The following GSG1L variants were observed in gnomAD, a reference collection of about 807,000 sequenced individuals.
The protein encoded by GSG1L is germ cell-specific gene 1-like protein.
GSG1L carries 24 observed loss-of-function variants against 42.1 expected under a neutral mutation model. The ratio of observed to expected loss-of-function variants is 0.57; its 90% CI spans 0.41 to 0.80. The LOEUF is 0.80. Ranked by LOEUF, GSG1L falls within the 30% of genes least tolerant of loss-of-function variation. The pLI, the probability that GSG1L is intolerant of heterozygous loss-of-function variation, is 0.00. For synonymous variants in GSG1L, 215 were observed against 203.5 expected, an observed-to-expected ratio of 1.06 and a Z score of -0.48; for missense variants, 445 against 472.2, an observed-to-expected ratio of 0.94 and a Z score of 0.53.
At chr16:27,806,694 G>T (rs886144331) in intron 6 of GSG1L, among the ~76,000 whole-genome samples, 7 of 152,234 alleles carry the variant, frequency 4.6e-5, no homozygotes, top group African/African-American at 1.7e-4. Flanking sequence ...TGCCACTGGA[G>T]CTTCCTAAAG....
rs76863199 is a variant in GSG1L, at chr16:27,843,381, G to A, written c.662+1569C>T. The stretch of plus-strand genomic sequence containing the variant: ...GGTCACATACTTAAGCTAAGCCAAT[G>A]AAAGTCATAACCAGGATTTTAGCTG... On this transcript the variant is annotated intron_variant, in intron 4 of 6. Transcript: ENST00000447459. Among the ~76,000 whole-genome samples, 198 of 152,026 alleles carry A rather than the reference G, an allele frequency of 1.3e-3. 3 individuals are homozygous for A. In the East Asian group the frequency reaches 0.033, roughly 26 times the overall value.
chr16:28,004,648 C>T (rs1018670933), intron 1 of GSG1L, among the ~76,000 whole-genome samples: 4 of 151,980 alleles, frequency 2.6e-5, no homozygotes, highest in Non-Finnish European at 5.9e-5. Context: ...CAAAGTGGTG[C>T]GTGCCTGTAA....
chr16:28,035,898 A>T (rs1029130285), intron 1 of GSG1L, among the ~76,000 whole-genome samples: 1 of 152,162 alleles, frequency 6.6e-6, no homozygotes, highest in Admixed American at 6.5e-5. Flanking sequence ...CCTCAGGAAA[A>T]CATCATTAAT....
At chr16:28,046,939 G>A (rs967259453) in intron 1 of GSG1L, among the ~76,000 whole-genome samples, 33 of 152,130 alleles carry the variant, frequency 2.2e-4, no homozygotes, top group African/African-American at 8.0e-4. Context: ...TCATGCACAC[G>A]CATGCACACA....
chr16:28,012,159 G>A (rs1455817802), intron 1 of GSG1L, among the ~76,000 whole-genome samples: 7 of 152,118 alleles, frequency 4.6e-5, no homozygotes, highest in Non-Finnish European at 1.0e-4. Context: ...ATGCCCCACG[G>A]TTTCTGAGCC....
At chr16:28,001,949 C>T (rs554925009) in intron 1 of GSG1L, among the ~76,000 whole-genome samples, 9 of 152,294 alleles carry the variant, frequency 5.9e-5, no homozygotes, top group Admixed American at 2.0e-4. Flanking sequence ...GTGGGAAGAA[C>T]GAGATGGGCT....
At chr16:27,888,540 T>TCCG in intron 2 of GSG1L, among the ~76,000 whole-genome samples, 1 of 34,960 alleles carries the variant, frequency 2.9e-5, no homozygotes, top group African/African-American at 8.0e-5. Context: ...TCTTTCTTTC[T>TCCG]TTCTTTCTTT....
At chr16:27,930,224 G>A (rs4788009) in intron 2 of GSG1L, among the ~76,000 whole-genome samples, 106,810 of 151,850 alleles carry the variant, frequency 0.7, 37,584 homozygotes, top group Admixed American at 0.76. Context: ...AACCACAATA[G>A]TTTTACAGAG....
chr16:27,923,959 A>AAGTT (rs1241718488), intron 2 of GSG1L, among the ~76,000 whole-genome samples: 1 of 152,038 alleles, frequency 6.6e-6, no homozygotes. Context: ...GACTTTGGGG[A>AAGTT]AGTTACCTAA....
In GSG1L at chr16:27,791,330, A is replaced by G. The variant is rs751864944; in HGVS notation, c.*40T>C. The G allele has an allele frequency of 6.3e-6, 8 of 1,260,464 alleles. No homozygotes were observed. In the East Asian group the frequency reaches 1.1e-4, roughly 18 times the overall value. 78.1% of individuals were successfully genotyped at this position (1,260,464 alleles called of 1,614,324 possible). On this transcript the variant is annotated 3_prime_UTR_variant, in exon 7 of 7. Transcript: ENST00000447459. ...TGGTCTTGCAGCAGGGGCTGGTGCC[A>G]GCGATGGCCTGAGGTCCGCGGGCCA... is the stretch of plus-strand genomic sequence containing the variant.
intron 3 of GSG1L, among the ~76,000 whole-genome samples, chr16:27,859,754 C>A (rs912117304): frequency 3.3e-5 from 5 of 152,224 alleles, no homozygotes; most frequent in Non-Finnish European, 7.3e-5. Context: ...TAGCTCACTG[C>A]AGCCTCAAAC....
Position 27,911,677 on chromosome 16 carries a change from C to T in GSG1L, c.398-27039G>A, listed in dbSNP as rs544682170. Among the ~76,000 whole-genome samples the T allele has an allele frequency of 1.3e-4, 20 of 152,208 alleles. 1 individual carries two copies. In the East Asian group the frequency reaches 3.5e-3, roughly 26 times the overall value. On this transcript the variant is annotated intron_variant, in intron 2 of 6. Coordinates refer to ENST00000447459, the MANE Select transcript of GSG1L (RefSeq NM_001109763.2). Reference sequence around the variant, plus strand: ...CTGTTTGGAACCTCCCCACTCCCTCCCCCAACCACATGGCATCCTCATGGT... The same window carrying T: ...CTGTTTGGAACCTCCCCACTCCCTCTCCCAACCACATGGCATCCTCATGGT...
At chr16:27,861,201 C>A (rs1371681503) in intron 3 of GSG1L, among the ~76,000 whole-genome samples, 1 of 152,050 alleles carries the variant, frequency 6.6e-6, no homozygotes, top group Admixed American at 6.5e-5. Flanking sequence ...AACCCCGTCT[C>A]TATTAAAAAA....
chr16:27,897,654 T>C (rs2084207089), intron 2 of GSG1L, among the ~76,000 whole-genome samples: 1 of 152,202 alleles, frequency 6.6e-6, no homozygotes, highest in African/African-American at 2.4e-5. Context: ...TAGCCCGCAC[T>C]GTGGCCCCCA....
intron 6 of GSG1L, 139 bp from the exon 7 acceptor site, chr16:27,791,606 A>C: frequency 2.1e-6 from 1 of 486,724 alleles, no homozygotes. Context: ...TTGTCTACCG[A>C]TCCATGCCCA....
At chr16:27,898,849 A>T (rs985453430) in intron 2 of GSG1L, among the ~76,000 whole-genome samples, 1 of 152,220 alleles carries the variant, frequency 6.6e-6, no homozygotes, top group African/African-American at 2.4e-5. Context: ...TTCTTTTGAA[A>T]ACATGGAAGA....
chr16:27,973,888 T>G (rs1173429054), intron 1 of GSG1L, among the ~76,000 whole-genome samples: 1 of 152,158 alleles, frequency 6.6e-6, no homozygotes, highest in Non-Finnish European at 1.5e-5. Flanking sequence ...AGACATGCTC[T>G]GGGCTCCTTC....
intron 2 of GSG1L, among the ~76,000 whole-genome samples, chr16:27,946,496 A>G (rs2084861401): frequency 6.7e-6 from 1 of 150,246 alleles, no homozygotes; most frequent in African/African-American, 2.5e-5. Flanking sequence ...AGTGAGCCGA[A>G]ACTGTGCCAT....
chr16:28,024,355 G>A (rs1352631781), intron 1 of GSG1L, among the ~76,000 whole-genome samples: 2 of 152,214 alleles, frequency 1.3e-5, no homozygotes, highest in South Asian at 2.1e-4. Flanking sequence ...CGCCAACTCC[G>A]ATTGTAAATT....
Sources: allele counts gnomAD v4.1 joint callset (sites outside exome capture counted in the v4.1 genomes callset), GRCh38; gene constraint gnomAD v4.1.1; transcripts MANE v1.5; gene names NCBI Gene and HGNC (gene_info 2026-07-23, HGNC 2026-07-21).